CLTCL1: variants seen among roughly 807,000 people sequenced by gnomAD.
The protein encoded by CLTCL1 is clathrin heavy chain like 1.
Under a neutral mutation model 190.0 loss-of-function variants are expected in CLTCL1, and 159 were observed. The ratio of observed to expected loss-of-function variants is 0.84; its 90% CI spans 0.74 to 0.95. CLTCL1 has a LOEUF of 0.95. CLTCL1 is among the 40% of genes least tolerant of loss of function. CLTCL1 has a pLI of 0.00. For synonymous variants in CLTCL1, 752 were observed against 769.6 expected, an observed-to-expected ratio of 0.98 and a Z score of 0.38; for missense variants, 1,878 against 2,033.4, an observed-to-expected ratio of 0.92 and a Z score of 1.47.
chr22:19,181,930 CCA>C (rs2084153749), intron 30 of CLTCL1: 1 of 152,242 alleles, frequency 6.6e-6, no homozygotes, highest in African/African-American at 2.4e-5. Context: ...GGCTGTGCAG[CCA>C]CAGTGTGGAC....
At chr22:19,280,702 C>A (rs2087676375) in intron 1 of CLTCL1, among the ~76,000 whole-genome samples, 1 of 151,166 alleles carries the variant, frequency 6.6e-6, no homozygotes, top group African/African-American at 2.4e-5. Context: ...GCCTGTAATC[C>A]CAGCTACTTG....
At chr22:19,289,608 C>T (rs1272631230) in intron 1 of CLTCL1, among the ~76,000 whole-genome samples, 3 of 152,022 alleles carry the variant, frequency 2.0e-5, no homozygotes, top group Admixed American at 6.6e-5. Context: ...GCTGGTTGTA[C>T]AGATGGAAGA....
intron 5 of CLTCL1, among the ~76,000 whole-genome samples, chr22:19,237,590 A>G (rs559357887): frequency 6.6e-6 from 1 of 152,352 alleles, no homozygotes; most frequent in East Asian, 1.9e-4. Flanking sequence ...ACAAAGATGT[A>G]TGGAGCACAA....
At position 19,196,637 on chromosome 22, in the gene CLTCL1, T is replaced by C; in HGVS notation, c.3893A>G (p.Glu1298Gly). Residue 1298 changes from glutamate (E) to glycine (G), a missense_variant, in exon 25 of 33, where the codon GAG (glutamate) becomes GGG (glycine). By Grantham distance (98) the Glu-to-Gly change is moderately conservative (BLOSUM62 -2). Coordinates refer to ENST00000427926, the MANE Select transcript of CLTCL1 (RefSeq NM_007098.4). The stretch of plus-strand genomic sequence containing the variant: ...GGCCGCTTCCAACAGCAAGATCAGC[T>C]CCTCAAAGTAGCCACGATCCTAGCA... Reference protein sequence around the residue: ...CYYQDRGYFEELILLLEAALG... With the variant: ...CYYQDRGYFEGLILLLEAALG... 2 of 1,613,188 alleles carry C rather than the reference T, an allele frequency of 1.2e-6. No homozygotes were observed.
intron 2 of CLTCL1, chr22:19,258,516 C>T: frequency 1.9e-6 from 1 of 528,586 alleles, no homozygotes; most frequent in Non-Finnish European, 3.6e-6. Context: ...CTATACCACG[C>T]AGATGGAGCA....
In CLTCL1 at chr22:19,187,641, T is replaced by C; in HGVS notation, c.4522A>G (p.Arg1508Gly). 1 of 1,613,796 alleles carries C rather than the reference T, an allele frequency of 6.2e-7. No individual in the cohort carries two copies. The highest frequency in any genetic ancestry group is 8.5e-7 in the Non-Finnish European group (1 of 1,179,898). The change falls in exon 29 of 33, where the codon AGG becomes GGG. Residue 1508 changes from arginine (R) to glycine (G), a missense_variant. Transcript: ENST00000427926. Reference protein sequence around the residue: ...QLEKHQLMEFRCIAAYLYKGN... With the variant: ...QLEKHQLMEFGCIAAYLYKGN... ...TTGTACAGATAGGCCGCAATGCACCTGAACTCCATCAGCTGATGCTTCTCC... is the reference window on the plus strand; with the variant it reads ...TTGTACAGATAGGCCGCAATGCACCCGAACTCCATCAGCTGATGCTTCTCC...
At chr22:19,241,203 CCCCCAG>C (rs1207331662) in intron 4 of CLTCL1, among the ~76,000 whole-genome samples, 1 of 152,204 alleles carries the variant, frequency 6.6e-6, no homozygotes, top group East Asian at 1.9e-4. Context: ...GTAGAGAGAA[CCCCCAG>C]CCCCTTCTCT....
intron 24 of CLTCL1, among the ~76,000 whole-genome samples, chr22:19,196,977 G>A (rs2084731727): frequency 6.6e-6 from 1 of 152,170 alleles, no homozygotes; most frequent in Admixed American, 6.5e-5. Flanking sequence ...GGAATGATTT[G>A]TTTTAATCCC....
At chr22:19,249,877 G>T in intron 3 of CLTCL1, 1 of 421,796 alleles carries the variant, frequency 2.4e-6, no homozygotes, top group South Asian at 1.7e-5. Flanking sequence ...AAAATCGCCA[G>T]GTACCATGCA....
intron 1 of CLTCL1, among the ~76,000 whole-genome samples, chr22:19,290,747 A>G (rs2088082062): frequency 6.6e-6 from 1 of 152,234 alleles, no homozygotes; most frequent in Non-Finnish European, 1.5e-5. Flanking sequence ...TTTGTGGTCA[A>G]AAAGACTTGA....
chr22:19,280,362 A>G (rs5748097), intron 1 of CLTCL1, among the ~76,000 whole-genome samples: 1,568 of 152,074 alleles, frequency 0.01, 33 homozygotes, highest in East Asian at 0.066. Context: ...GTGTGATGTT[A>G]TTAGAGTTAA....
At chr22:19,221,885 A>G (rs1157518590) in intron 16 of CLTCL1, 66 bp downstream of exon 16, 5 of 1,556,198 alleles carry the variant, frequency 3.2e-6, no homozygotes, top group Non-Finnish European at 4.4e-6. Flanking sequence ...CTGGAGAATT[A>G]GACAGAAACA....
intron 11 of CLTCL1, among the ~76,000 whole-genome samples, chr22:19,227,277 C>CTTTTT (rs11375007): frequency 1.7e-5 from 2 of 121,092 alleles, no homozygotes; most frequent in Admixed American, 8.8e-5. Flanking sequence ...GGCATAAAAT[C>CTTTTT]TTTTTTTTTT....
chr22:19,191,676 C>T (rs1178869181), intron 26 of CLTCL1, among the ~76,000 whole-genome samples: 1 of 152,144 alleles, frequency 6.6e-6, no homozygotes, highest in African/African-American at 2.4e-5. Context: ...AACCCAGCAC[C>T]TAGACCAGTA....
At chr22:19,191,274 C>T (rs782134042) in intron 27 of CLTCL1, 30 bp downstream of exon 27, 3 of 1,613,592 alleles carry the variant, frequency 1.9e-6, no homozygotes, top group African/African-American at 1.3e-5. Context: ...GCCCAATACA[C>T]TCTTCTACCT....
chr22:19,256,333 T>A (rs1248130484), intron 2 of CLTCL1, among the ~76,000 whole-genome samples: 5 of 147,300 alleles, frequency 3.4e-5, no homozygotes, highest in African/African-American at 1.2e-4. Context: ...AATTTTTCTT[T>A]TTTTTTTCTT....
intron 23 of CLTCL1, among the ~76,000 whole-genome samples, chr22:19,200,614 G>C (rs1403152175): frequency 6.6e-6 from 1 of 152,210 alleles, no homozygotes; most frequent in Non-Finnish European, 1.5e-5. Flanking sequence ...GCTGAGGTGG[G>C]TGGATCATGA....
At chr22:19,243,438 C>G (rs1474333862) in intron 3 of CLTCL1, among the ~76,000 whole-genome samples, 3 of 152,066 alleles carry the variant, frequency 2.0e-5, no homozygotes, top group African/African-American at 4.8e-5. Context: ...GGCAACATAG[C>G]AAGACGCCAT....
At chr22:19,207,698 C>A in intron 22 of CLTCL1, 1 of 474,348 alleles carries the variant, frequency 2.1e-6, no homozygotes, top group Non-Finnish European at 3.7e-6. Context: ...CTCCTCATTG[C>A]TTGCATTACT....
Sources: allele counts gnomAD v4.1 joint callset (sites outside exome capture counted in the v4.1 genomes callset), GRCh38; gene constraint gnomAD v4.1.1; transcripts MANE v1.5; gene names NCBI Gene and HGNC (gene_info 2026-07-23, HGNC 2026-07-21).